The following ATP6V0E1 variants were observed in gnomAD, a reference collection of about 807,000 sequenced individuals.
The protein encoded by ATP6V0E1 is V-type proton ATPase subunit e 1.
A neutral mutation model predicts 11.6 loss-of-function variants in ATP6V0E1; 4 were observed. The observed-to-expected ratio is 0.35, with a 90% CI of 0.17 to 0.79. ATP6V0E1 has a LOEUF of 0.79. ATP6V0E1 is among the 30% of genes least tolerant of loss of function. The pLI is 0.54. For synonymous variants in ATP6V0E1, 36 were observed against 34.8 expected (o/e 1.04, Z -0.13); for missense variants, 105 against 100.0 (o/e 1.05, Z -0.21).
At chr5:172,993,689 C>T (rs1268831343) in intron 1 of ATP6V0E1, among the ~76,000 whole-genome samples, 1 of 129,158 alleles carries the variant, frequency 7.7e-6, no homozygotes, top group Admixed American at 7.7e-5. Flanking sequence ...ACCCCCCCCC[C>T]CGACCCCACC....
intron 2 of ATP6V0E1, among the ~76,000 whole-genome samples, chr5:173,008,821 G>C (rs1293272175): frequency 6.9e-6 from 1 of 145,866 alleles, no homozygotes; most frequent in Non-Finnish European, 1.5e-5. Context: ...TGAGGCAGGA[G>C]AATGGCATGA....
intron 3 of ATP6V0E1, chr5:173,020,748 C>G (rs200759323): frequency 1.9e-6 from 1 of 519,308 alleles, no homozygotes; most frequent in South Asian, 1.4e-5. Context: ...GTCAGCCATC[C>G]GGACAGAACC....
chr5:172,992,575 C>T (rs1196994967), intron 1 of ATP6V0E1, among the ~76,000 whole-genome samples: 2 of 152,128 alleles, frequency 1.3e-5, no homozygotes, highest in East Asian at 1.9e-4. Context: ...TGAGACGCCA[C>T]CTCCTCAGCA....
chr5:172,999,671 C>T (rs755728063), intron 2 of ATP6V0E1, among the ~76,000 whole-genome samples: 2 of 152,138 alleles, frequency 1.3e-5, no homozygotes, highest in Non-Finnish European at 2.9e-5. Flanking sequence ...GATTTGAGCC[C>T]TTGCCTCTTG....
chr5:173,018,251 T>C (rs1756432375), intron 2 of ATP6V0E1, among the ~76,000 whole-genome samples: 1 of 152,104 alleles, frequency 6.6e-6, no homozygotes, highest in Non-Finnish European at 1.5e-5. Flanking sequence ...GAAAAGAAAA[T>C]GTTAAGAAAA....
At chr5:172,985,990 A>G (rs1402392028) in intron 1 of ATP6V0E1, among the ~76,000 whole-genome samples, 1 of 152,250 alleles carries the variant, frequency 6.6e-6, no homozygotes, top group Non-Finnish European at 1.5e-5. Context: ...TACTGTATAG[A>G]CAAATGTAAC....
chr5:172,996,563 A>G (rs1756070363), intron 2 of ATP6V0E1, among the ~76,000 whole-genome samples: 1 of 136,638 alleles, frequency 7.3e-6, no homozygotes, highest in Admixed American at 7.2e-5. Context: ...CTCCGCCTCA[A>G]AAAAAAAAAA....
At chr5:172,992,265 A>T (rs1266197301) in intron 1 of ATP6V0E1, among the ~76,000 whole-genome samples, 1 of 152,088 alleles carries the variant, frequency 6.6e-6, no homozygotes, top group African/African-American at 2.4e-5. Context: ...GTTAGCCAGG[A>T]TGGTCTCGAT....
intron 3 of ATP6V0E1, among the ~76,000 whole-genome samples, chr5:173,028,547 C>T (rs916900721): frequency 5.3e-5 from 8 of 152,094 alleles, no homozygotes; most frequent in Non-Finnish European, 1.0e-4. Flanking sequence ...GTTATGAAAG[C>T]TTTAGAATAA....
At chr5:173,002,813 C>A (rs1471746157) in intron 2 of ATP6V0E1, among the ~76,000 whole-genome samples, 1 of 152,062 alleles carries the variant, frequency 6.6e-6, no homozygotes, top group Non-Finnish European at 1.5e-5. Context: ...CATGGTGAAA[C>A]CCTGTGTCTG....
chr5:173,005,239 A>T (rs1756212500), intron 2 of ATP6V0E1, among the ~76,000 whole-genome samples: 1 of 151,246 alleles, frequency 6.6e-6, no homozygotes, highest in African/African-American at 2.4e-5. Context: ...CATCTTAATG[A>T]TGTTGAGTTT....
intron 1 of ATP6V0E1, chr5:172,987,055 GAAT>G (rs2113575920): frequency 5.6e-6 from 1 of 178,164 alleles, no homozygotes; most frequent in Admixed American, 6.3e-5. Flanking sequence ...CAAAGTGCTA[GAAT>G]TACAGGCATG....
chr5:173,016,914 A>G (rs1182080202), intron 2 of ATP6V0E1, among the ~76,000 whole-genome samples: 5 of 152,182 alleles, frequency 3.3e-5, no homozygotes, highest in Non-Finnish European at 5.9e-5. Context: ...CTTTTTGTTT[A>G]TTAAGTGAGT....
intron 2 of ATP6V0E1, among the ~76,000 whole-genome samples, chr5:172,997,777 C>T (rs1756089476): frequency 6.7e-6 from 1 of 148,198 alleles, no homozygotes; most frequent in Non-Finnish European, 1.5e-5. Flanking sequence ...TGCACCACTG[C>T]ACTCCAGTCT....
chr5:172,985,137 C>T (rs1315232135), intron 1 of ATP6V0E1, among the ~76,000 whole-genome samples: 1 of 150,740 alleles, frequency 6.6e-6, no homozygotes, highest in Non-Finnish European at 1.5e-5. Context: ...CCCAGCTACT[C>T]GGGAGGCTGA....
intron 3 of ATP6V0E1, among the ~76,000 whole-genome samples, chr5:173,030,254 C>G (rs1756628504): frequency 6.6e-6 from 1 of 152,040 alleles, no homozygotes; most frequent in Non-Finnish European, 1.5e-5. Context: ...TATTTAATCT[C>G]CTACAATATA....
intron 3 of ATP6V0E1, among the ~76,000 whole-genome samples, chr5:173,028,495 T>G (rs968220950): frequency 3.3e-5 from 5 of 152,210 alleles, no homozygotes; most frequent in Non-Finnish European, 7.3e-5. Flanking sequence ...GGAAAGTAGG[T>G]GTAAGCCAGA....
chr5:172,986,788 T>G, intron 1 of ATP6V0E1: 1 of 435,298 alleles, frequency 2.3e-6, no homozygotes, highest in Non-Finnish European at 4.6e-6. Context: ...TTTGTTTGTT[T>G]GTTTGTTTGT....
At chr5:173,007,767 T>C (rs58458003) in intron 2 of ATP6V0E1, among the ~76,000 whole-genome samples, 6,088 of 152,272 alleles carry the variant, frequency 0.04, 395 homozygotes, top group African/African-American at 0.14. Flanking sequence ...GCCCACCAGA[T>C]AGCAAAGGAG....
Sources: gnomAD v4.1 joint callset for allele counts (sites outside exome capture counted in the v4.1 genomes callset) on GRCh38, gnomAD v4.1.1 for gene constraint, MANE v1.5 for transcripts, NCBI Gene and HGNC (gene_info 2026-07-23, HGNC 2026-07-21) for gene names.